The following MAL2 variants were observed in gnomAD, a reference collection of about 807,000 sequenced individuals.
MAL2 encodes mal, T cell differentiation protein 2.
Under a neutral mutation model 18.1 loss-of-function variants are expected in MAL2, and 17 were observed. The ratio of observed to expected loss-of-function variants is 0.94; its 90% CI spans 0.64 to 1.41. The LOEUF is 1.41. Ranked by LOEUF, MAL2 falls within the 40% of genes most tolerant of loss-of-function variation. The probability of loss-of-function intolerance (pLI) is 0.00; values close to 1 mark genes in which losing one functional copy is unlikely to be tolerated. For missense variants in MAL2, 222 were observed against 231.9 expected, an observed-to-expected ratio of 0.96 and a Z score of 0.28; for synonymous variants, 102 against 102.3, an observed-to-expected ratio of 1.00 and a Z score of 0.02.
chr8:119,208,570 G>A lies in MAL2; in HGVS notation c.98G>A (p.Arg33Gln), dbSNP rs1817221830. The change falls in exon 1 of 4, where the codon CGG becomes CAG. Residue 33 changes from arginine (R) to glutamine (Q), a missense_variant. By Grantham distance (43) the Arg-to-Gln change is conservative. Transcript: ENST00000614891. The surrounding 1 kb of genome is among the most constrained non-coding windows in gnomAD (Gnocchi z 4.3). ...VTLPAGPDILRTYSGAFVCLE... is the reference protein window; with the variant it reads ...VTLPAGPDILQTYSGAFVCLE... The stretch of plus-strand genomic sequence containing the variant: ...CTGCCCGCCGGCCCCGACATCCTGC[G>A]GACCTACTCGGGCGCCTTCGTCTGC... 2 of 1,394,640 alleles carry A rather than the reference G, an allele frequency of 1.4e-6. No homozygotes were observed. The highest frequency in any genetic ancestry group is 2.6e-5 in the Admixed American group (1 of 37,934). The allele number at this position is 1,394,640 out of a possible 1,614,324, so 86.4% of individuals were successfully genotyped here. A position where few individuals can be genotyped will look rare whatever the true frequency, so the allele number is the denominator to read the frequency against.
chr8:119,214,790 T>C (rs964110001), intron 1 of MAL2, among the ~76,000 whole-genome samples: 4 of 152,226 alleles, frequency 2.6e-5, no homozygotes, highest in African/African-American at 9.6e-5. Context: ...AAGTAGAACT[T>C]CTTTTGCAAT....
intron 2 of MAL2, among the ~76,000 whole-genome samples, chr8:119,230,106 G>C (rs1054559645): frequency 6.6e-6 from 1 of 152,146 alleles, no homozygotes; most frequent in African/African-American, 2.4e-5. Context: ...TTCTCTACCA[G>C]GTCTAGTACC....
rs906307759 is a variant in MAL2 at position 119,208,420 on chromosome 8, CGGAGGCG to C, written c.-44_-38del. 2 of 1,033,142 alleles carry C rather than the reference CGGAGGCG, an allele frequency of 1.9e-6. No homozygotes were observed. The highest frequency in any genetic ancestry group is 5.5e-5 in the East Asian group (1 of 18,142). The allele number at this position is 1,033,142 out of a possible 1,614,324, so 64.0% of individuals were successfully genotyped here. A position where few individuals can be genotyped will look rare whatever the true frequency, so the allele number is the denominator to read the frequency against. ...GCGGCGGCGGCAGGAGCCCGGGAGG[CGGAGGCG>C]GGAGGCGGCGGCGGCGCGCGGAGAC... On this transcript the variant is annotated 5_prime_UTR_variant, in exon 1 of 4. Transcript: ENST00000614891. This position sits in a 1 kb window ranked among gnomAD's most constrained non-coding sequence, Gnocchi z 4.3.
chr8:119,219,487 A>G (rs1408393301), intron 1 of MAL2, among the ~76,000 whole-genome samples: 4 of 151,884 alleles, frequency 2.6e-5, no homozygotes, highest in Non-Finnish European at 4.4e-5. Flanking sequence ...TACTAAGCAA[A>G]TAATTTAAGA....
At chr8:119,233,257 A>C (rs1376332995) in intron 2 of MAL2, among the ~76,000 whole-genome samples, 1 of 152,228 alleles carries the variant, frequency 6.6e-6, no homozygotes, top group Non-Finnish European at 1.5e-5. Flanking sequence ...ATCACAATTA[A>C]AAGAACTAGA....
chr8:119,240,212 T>G lies in MAL2; in HGVS notation c.351T>G (p.Phe117Leu). 1 of 1,613,886 alleles carries G rather than the reference T, an allele frequency of 6.2e-7. No individual in the cohort carries two copies. Among genetic ancestry groups the G allele is most frequent in the South Asian group, 1.1e-5 (1 of 91,080 alleles). ...FTVFVFYFGA[F>L]LLEAAATSLH... is the part of the protein sequence containing the mutation. ...TATTTGTCTTCTATTTTGGAGCCTT[T>G]TTATTGGAAGCAGCAGCCACATCCC... Residue 117 changes from phenylalanine (F) to leucine (L), a missense_variant, in exon 3 of 4, where the codon TTT (phenylalanine) becomes TTG (leucine). Physicochemically the swap from Phe to Leu is conservative, Grantham distance 22. Coordinates refer to ENST00000614891, the MANE Select transcript of MAL2 (RefSeq NM_052886.3).
In MAL2 at chr8:119,245,335, A is replaced by AT. The variant is rs1466037800; in HGVS notation, c.*1853dup. 3.3e-5 allele frequency: 5 copies of AT among 152,516 alleles called. No homozygotes were observed. The highest frequency in any genetic ancestry group is 6.6e-5 in the Admixed American group (1 of 15,242). 9.4% of individuals were successfully genotyped at this position (152,516 alleles called of 1,614,324 possible). On this transcript the variant is annotated 3_prime_UTR_variant, in exon 4 of 4. Coordinates refer to ENST00000614891, the MANE Select transcript of MAL2 (RefSeq NM_052886.3). ...TACTCTGCTAGAATTTAGGTGTGAGATTTTTTGTTTCCCAGGTATAGCAGG... is the reference window on the plus strand; with the variant it reads ...TACTCTGCTAGAATTTAGGTGTGAGATTTTTTTGTTTCCCAGGTATAGCAGG...
Position 119,240,209 on chromosome 8 carries a change from C to A in MAL2, c.348C>A (p.Ala116=). 1.2e-6 allele frequency: 2 copies of A among 1,613,490 alleles called. No homozygotes were observed. Among genetic ancestry groups the A allele is most frequent in the South Asian group, 1.1e-5 (1 of 91,064 alleles). ...CAGTATTTGTCTTCTATTTTGGAGC[C>A]TTTTTATTGGAAGCAGCAGCCACAT... ...HFTVFVFYFG[A]FLLEAAATSL... is the part of the protein sequence containing the mutation. The change falls in exon 3 of 4, where the codon GCC becomes GCA. Residue 116 remains alanine (A), a synonymous_variant. Transcript: ENST00000614891.
chr8:119,209,874 G>T (rs1255472441), intron 1 of MAL2, among the ~76,000 whole-genome samples: 2 of 152,162 alleles, frequency 1.3e-5, no homozygotes, highest in African/African-American at 4.8e-5. Context: ...CTGAGTGCTT[G>T]GGATGAGGTG....
intron 2 of MAL2, among the ~76,000 whole-genome samples, chr8:119,236,803 G>A (rs1040696951): frequency 2.1e-4 from 31 of 151,034 alleles, no homozygotes; most frequent in Non-Finnish European, 3.7e-4. Context: ...GTGTGTAGAG[G>A]GAAATTTATA....
At chr8:119,239,535 G>A (rs1405694671) in intron 2 of MAL2, among the ~76,000 whole-genome samples, 1 of 151,930 alleles carries the variant, frequency 6.6e-6, no homozygotes, top group Non-Finnish European at 1.5e-5. Context: ...GTCCAACAAT[G>A]ATAGACTGGA....
intron 2 of MAL2, chr8:119,224,049 G>A (rs2129821759): frequency 6.6e-6 from 1 of 152,236 alleles, no homozygotes; most frequent in African/African-American, 2.4e-5. Flanking sequence ...AAGCAAGAAT[G>A]CATTTTGATA....
chr8:119,208,590 G>C lies in MAL2; in HGVS notation c.118G>C (p.Val40Leu). The change falls in exon 1 of 4, where the codon GTC (valine) becomes CTC (leucine). Residue 40 changes from valine (V) to leucine (L), a missense_variant. By Grantham distance (32) the Val-to-Leu change is conservative. Coordinates refer to ENST00000614891, the MANE Select transcript of MAL2 (RefSeq NM_052886.3). This position sits in a 1 kb window ranked among gnomAD's most constrained non-coding sequence, Gnocchi z 4.3. ...DILRTYSGAFVCLEILFGGLV... is the reference protein window; with the variant it reads ...DILRTYSGAFLCLEILFGGLV... ...CCTGCGGACCTACTCGGGCGCCTTCGTCTGCCTGGAGATTGTAAGTGGGGC... is the reference window on the plus strand; with the variant it reads ...CCTGCGGACCTACTCGGGCGCCTTCCTCTGCCTGGAGATTGTAAGTGGGGC... The C allele has an allele frequency of 7.3e-7, 1 of 1,378,414 alleles. No individual in the cohort carries two copies. Among genetic ancestry groups the C allele is most frequent in the South Asian group, 1.7e-5 (1 of 58,090 alleles). 85.4% of individuals were successfully genotyped at this position (1,378,414 alleles called of 1,614,324 possible).
rs560400957 is a variant in MAL2, at chr8:119,211,182, G to T, written c.132+2578G>T. Among the ~76,000 whole-genome samples the T allele has an allele frequency of 5.9e-5, 9 of 152,224 alleles. 1 individual carries two copies. Among genetic ancestry groups the T allele is most frequent in the African/African-American group, 2.2e-4 (9 of 41,536 alleles). ...TAATTTTCTGATTCTTTTAAAATTG[G>T]CCATCTCCCATGGCTCCTCCTCAGA... On this transcript the variant is annotated intron_variant, in intron 1 of 3. Transcript: ENST00000614891.
intron 2 of MAL2, among the ~76,000 whole-genome samples, chr8:119,235,025 C>A (rs559132494): frequency 6.6e-6 from 1 of 151,614 alleles, no homozygotes; most frequent in Non-Finnish European, 1.5e-5. Context: ...TACAGGAGGA[C>A]ATTCAAACCA....
At position 119,208,623 on chromosome 8, in the gene MAL2, G is replaced by A. The variant is rs1817222678; in HGVS notation, c.132+19G>A. ...GGAGATTGTAAGTGGGGCCGCCGGA[G>A]CGAGGGTCGCGCGGGGAGCGAGGAC... On this transcript the variant is annotated intron_variant, in intron 1 of 3. Coordinates refer to ENST00000614891, the MANE Select transcript of MAL2 (RefSeq NM_052886.3). The surrounding 1 kb of genome is among the most constrained non-coding windows in gnomAD (Gnocchi z 4.3). 1.4e-5 allele frequency: 18 copies of A among 1,298,504 alleles called. No homozygotes were observed. In the African/African-American group the frequency reaches 1.7e-4, roughly 12 times the overall value. The allele number at this position is 1,298,504 out of a possible 1,614,324, so 80.4% of individuals were successfully genotyped here.
intron 3 of MAL2, among the ~76,000 whole-genome samples, chr8:119,241,417 G>A (rs534355403): frequency 6.6e-6 from 1 of 152,296 alleles, no homozygotes; most frequent in East Asian, 1.9e-4. Context: ...GCTTGTGCCT[G>A]TAGTGCTACC....
intron 1 of MAL2, among the ~76,000 whole-genome samples, chr8:119,209,771 AAAGAG>A (rs1275439747): frequency 6.6e-6 from 1 of 152,174 alleles, no homozygotes; most frequent in Non-Finnish European, 1.5e-5. Flanking sequence ...TTTGAATCTG[AAAGAG>A]GAGACGTGAG....
chr8:119,223,870 A>G (rs1049119220), intron 2 of MAL2: 2 of 151,834 alleles, frequency 1.3e-5, no homozygotes, highest in Non-Finnish European at 2.9e-5. Context: ...TTGGTAACAT[A>G]TTTTGTACAC....
Sources: allele counts gnomAD v4.1 joint callset (sites outside exome capture counted in the v4.1 genomes callset), GRCh38; gene constraint gnomAD v4.1.1; non-coding constraint Gnocchi (gnomAD v3.1); transcripts MANE v1.5; gene names NCBI Gene and HGNC (gene_info 2026-07-23, HGNC 2026-07-21).